The following PHKB variants were observed in gnomAD, a reference collection of about 807,000 sequenced individuals.
The protein encoded by PHKB is phosphorylase b kinase regulatory subunit beta.
Under a neutral mutation model 152.1 loss-of-function variants are expected in PHKB, and 122 were observed. The observed-to-expected ratio is 0.80, with a 90% confidence interval of 0.69 to 0.93. PHKB has a LOEUF of 0.93. Among genes scored for constraint, PHKB ranks in the 40% least tolerant of loss-of-function variants. PHKB has a pLI of 0.00. For missense variants in PHKB, 1,304 were observed against 1,328.4 expected (o/e 0.98, Z 0.29); for synonymous variants, 436 against 464.9 (o/e 0.94, Z 0.80).
Position 47,515,508 on chromosome 16 carries a change from C to G in PHKB, c.514-13C>G. ...TGTTTCCTTTAACCTTTTAATGTTT[C>G]TGTTTGTTGCAGATAAATGCAGTGT... On this transcript the variant is annotated splice_polypyrimidine_tract_variant and intron_variant, in intron 5 of 30. Transcript: ENST00000323584. 1 of 1,225,314 alleles carries G rather than the reference C, an allele frequency of 8.2e-7. No individual in the cohort carries two copies. The highest frequency in any genetic ancestry group is 1.2e-5 in the South Asian group (1 of 83,352). The allele number at this position is 1,225,314 out of a possible 1,614,324, so 75.9% of individuals were successfully genotyped here. A position where few individuals can be genotyped will look rare whatever the true frequency, so the allele number is the denominator to read the frequency against.
Position 47,660,623 on chromosome 16 carries a change from C to T in PHKB, c.2034-34C>T, listed in dbSNP as rs1346052623. ...GTTTTTTGAAATTACATTAGAAAAG[C>T]AGAAAATATGAAACCTTTTCTTTTA... On this transcript the variant is annotated intron_variant, in intron 21 of 30. Transcript: ENST00000323584. The T allele has an allele frequency of 5.0e-6, 8 of 1,611,974 alleles. No individual in the cohort carries two copies. In the East Asian group the frequency reaches 1.1e-4, roughly 22 times the overall value.
At chr16:47,504,325 GT>G (rs1003533369) in intron 4 of PHKB, among the ~76,000 whole-genome samples, 11 of 152,324 alleles carry the variant, frequency 7.2e-5, no homozygotes, top group Middle Eastern at 3.4e-3. Context: ...CAGGGTTTTT[GT>G]TAGTGGTTGG....
chr16:47,686,576 T>C lies in PHKB; in HGVS notation c.2631-2465T>C, dbSNP rs9935386. Among the ~76,000 whole-genome samples, 639 of 152,326 alleles carry C rather than the reference T, an allele frequency of 4.2e-3. 6 individuals are homozygous for C. The highest frequency in any genetic ancestry group is 0.015 in the African/African-American group (609 of 41,578). ...TAGTATTCCCATTTGAAAAATAATC[T>C]GCCAGTGGGGCACAGTTGGTAAGTG... On this transcript the variant is annotated intron_variant, in intron 26 of 30. Coordinates refer to ENST00000323584, the MANE Select transcript of PHKB (RefSeq NM_000293.3).
intron 7 of PHKB, among the ~76,000 whole-genome samples, chr16:47,554,834 C>G (rs1971340323): frequency 6.6e-6 from 1 of 152,212 alleles, no homozygotes; most frequent in Non-Finnish European, 1.5e-5. Flanking sequence ...AGCTCGCTCT[C>G]TGTGGGCTGC....
intron 1 of PHKB, chr16:47,462,800 G>A (rs1392678228): frequency 2.1e-5 from 3 of 143,654 alleles, no homozygotes; most frequent in East Asian, 4.1e-4. Flanking sequence ...ATCATACACC[G>A]AACACTCTGT....
intron 26 of PHKB, among the ~76,000 whole-genome samples, chr16:47,678,544 G>GT (rs1287427572): frequency 4.1e-4 from 62 of 152,118 alleles, no homozygotes; most frequent in African/African-American, 1.4e-3. Context: ...TTTTTCATGT[G>GT]TTTTTTGGCT....
intron 1 of PHKB, among the ~76,000 whole-genome samples, chr16:47,480,413 A>G (rs955345635): frequency 1.3e-5 from 2 of 152,222 alleles, no homozygotes; most frequent in Non-Finnish European, 2.9e-5. Context: ...AGAGAACAAT[A>G]GTATTAAACA....
intron 13 of PHKB, among the ~76,000 whole-genome samples, chr16:47,607,112 T>C (rs1283936538): frequency 6.6e-6 from 1 of 152,204 alleles, no homozygotes; most frequent in East Asian, 1.9e-4. Flanking sequence ...TTTCTGATTT[T>C]TCTGAAAGAA....
intron 1 of PHKB, among the ~76,000 whole-genome samples, chr16:47,461,923 C>A (rs1268678314): frequency 6.6e-6 from 1 of 152,142 alleles, no homozygotes; most frequent in Non-Finnish European, 1.5e-5. Context: ...AGCAGTAGAC[C>A]TGTCATCTAT....
In PHKB at chr16:47,596,373, G is replaced by A. The variant is rs753006574; in HGVS notation, c.1205G>A (p.Gly402Glu). 1.6e-4 allele frequency: 261 copies of A among 1,590,004 alleles called. No individual in the cohort carries two copies. The highest frequency in any genetic ancestry group is 2.2e-4 in the Non-Finnish European group (256 of 1,158,416). ...AAATACTTATTTTTAAACTCCATAG[G>A]ATATCCTGTTGTACCAAAGTACTAT... Reference protein sequence around the residue: ...LTPVLHHTTEGYPVVPKYYYV... With the variant: ...LTPVLHHTTEEYPVVPKYYYV... The change falls in exon 13 of 31, where the codon GGA becomes GAA. Residue 402 changes from glycine to glutamate, a missense_variant and splice_region_variant. Gly to Glu is a moderately conservative substitution (Grantham distance 98). Transcript: ENST00000323584.
chr16:47,580,390 A>C, intron 8 of PHKB, 32 bp downstream of exon 8: 1 of 1,435,236 alleles, frequency 7.0e-7, no homozygotes, highest in South Asian at 1.1e-5. Flanking sequence ...ATCTTTGATT[A>C]TTTGAATTGC....
Position 47,610,871 on chromosome 16 carries a change from A to C in PHKB, c.1409A>C (p.Tyr470Ser). Reference protein sequence around the residue: ...SPKDIDPVQRYVPLKDQRNVS... With the variant: ...SPKDIDPVQRSVPLKDQRNVS... ...AAAGACATTGATCCTGTCCAGCGCT[A>C]TGTCCCACTAAAGGATCAACGTAAC... Residue 470 changes from tyrosine (Y) to serine (S), a missense_variant, in exon 14 of 31, where the codon TAT (tyrosine) becomes TCT (serine). Physicochemically the swap from Tyr to Ser is moderately radical, Grantham distance 144. Coordinates refer to ENST00000323584, the MANE Select transcript of PHKB (RefSeq NM_000293.3). The C allele has an allele frequency of 6.2e-7, 1 of 1,609,210 alleles. No homozygotes were observed. The highest frequency in any genetic ancestry group is 8.5e-7 in the Non-Finnish European group (1 of 1,175,536).
intron 6 of PHKB, among the ~76,000 whole-genome samples, chr16:47,541,609 A>T (rs1385858042): frequency 6.6e-6 from 1 of 152,248 alleles, no homozygotes; most frequent in Non-Finnish European, 1.5e-5. Flanking sequence ...TTATACTCCC[A>T]TCAACAGTGT....
In PHKB at chr16:47,511,528, A is replaced by G. The variant is rs1597043916; in HGVS notation, c.406-137A>G. 4 of 671,208 alleles carry G rather than the reference A, an allele frequency of 6.0e-6. No homozygotes were observed. The South Asian group carries it at 6.6e-5, about 11-fold the overall frequency. The allele number at this position is 671,208 out of a possible 1,614,324, so 41.6% of individuals were successfully genotyped here. ...ACTTTTTGTATTTTTTCTTGAGAAAAGGTAACGTTTCTGCTTTGTTCGGTC... is the reference window on the plus strand; with the variant it reads ...ACTTTTTGTATTTTTTCTTGAGAAAGGGTAACGTTTCTGCTTTGTTCGGTC... On this transcript the variant is annotated intron_variant, in intron 4 of 30. Transcript: ENST00000323584.
intron 13 of PHKB, among the ~76,000 whole-genome samples, chr16:47,609,393 A>G (rs981368812): frequency 1.6e-5 from 2 of 128,438 alleles, no homozygotes; most frequent in African/African-American, 5.7e-5. Flanking sequence ...TTAGAATAAT[A>G]CTGACCTCTT....
At chr16:47,590,772 A>G (rs1282642193) in intron 10 of PHKB, 1 of 152,258 alleles carries the variant, frequency 6.6e-6, no homozygotes, top group African/African-American at 2.4e-5. Flanking sequence ...CCCCACAGTC[A>G]GGAGATCTTT....
chr16:47,465,680 T>G (rs1969656097), intron 1 of PHKB, among the ~76,000 whole-genome samples: 1 of 152,232 alleles, frequency 6.6e-6, no homozygotes, highest in Non-Finnish European at 1.5e-5. Flanking sequence ...CTGCTGGTGT[T>G]AGGCTTAACT....
At chr16:47,557,864 C>A (rs1971404697) in intron 7 of PHKB, among the ~76,000 whole-genome samples, 1 of 152,118 alleles carries the variant, frequency 6.6e-6, no homozygotes, top group Non-Finnish European at 1.5e-5. Context: ...TACCATTTGA[C>A]CCAGCCATCC....
intron 29 of PHKB, among the ~76,000 whole-genome samples, chr16:47,697,778 G>A (rs1256247907): frequency 6.6e-6 from 1 of 152,174 alleles, no homozygotes; most frequent in Admixed American, 6.5e-5. Context: ...TTGCTTATAG[G>A]AATTTAGCAT....
Sources: gnomAD v4.1 joint callset for allele counts (sites outside exome capture counted in the v4.1 genomes callset) on GRCh38, gnomAD v4.1.1 for gene constraint, MANE v1.5 for transcripts, NCBI Gene and HGNC (gene_info 2026-07-23, HGNC 2026-07-21) for gene names.